Variants in SPATA16 observed in about 807,000 individuals in gnomAD.
SPATA16 encodes spermatogenesis associated 16.
In SPATA16, 36 loss-of-function variants were observed where a neutral mutation model predicts 63.3. That is an observed-to-expected ratio of 0.57 (90% CI 0.44 to 0.75). The LOEUF is 0.75. Ranked by LOEUF, SPATA16 falls within the 30% of genes least tolerant of loss-of-function variation. SPATA16 has a pLI of 0.00. For missense variants in SPATA16, 646 were observed against 679.3 expected (o/e 0.95, Z 0.54); for synonymous variants, 203 against 216.7 (o/e 0.94, Z 0.56).
At chr3:173,107,146 AG>A (rs1737639099) in intron 2 of SPATA16, among the ~76,000 whole-genome samples, 1 of 152,100 alleles carries the variant, frequency 6.6e-6, no homozygotes, top group South Asian at 2.1e-4. Context: ...TGAAAACCAA[AG>A]CCCTGTCATA....
In SPATA16 at chr3:173,117,260, C is replaced by T. The variant is rs1229632649; in HGVS notation, c.472G>A (p.Val158Ile). The change falls in exon 2 of 11, where the codon GTA (valine) becomes ATA (isoleucine). Residue 158 changes from valine (V) to isoleucine (I), a missense_variant. Transcript: ENST00000351008. Reference sequence around the variant, plus strand: ...AAATTATGTACACTCAAAGGGTCTACTATTTCAGCAGCTTGGCATGTTGGC... The same window carrying T: ...AAATTATGTACACTCAAAGGGTCTATTATTTCAGCAGCTTGGCATGTTGGC... ...SQPTCQAAEI[V>I]DPLSVHNFSF... 6.2e-7 allele frequency: 1 copy of T among 1,614,162 alleles called. No homozygotes were observed. The highest frequency in any genetic ancestry group is 8.5e-7 in the Non-Finnish European group (1 of 1,180,006).
chr3:173,004,556 A>G (rs1490609318), intron 4 of SPATA16, among the ~76,000 whole-genome samples: 1 of 152,116 alleles, frequency 6.6e-6, no homozygotes, highest in Non-Finnish European at 1.5e-5. Flanking sequence ...TTCCAAAAAC[A>G]TAGACTTGGA....
intron 2 of SPATA16, among the ~76,000 whole-genome samples, chr3:173,112,984 T>C (rs1446441842): frequency 6.6e-6 from 1 of 152,222 alleles, no homozygotes; most frequent in African/African-American, 2.4e-5. Flanking sequence ...GAAAAACCTT[T>C]GATAATTTCT....
At chr3:172,899,597 T>C (rs1732081579) in intron 10 of SPATA16, among the ~76,000 whole-genome samples, 1 of 152,110 alleles carries the variant, frequency 6.6e-6, no homozygotes, top group South Asian at 2.1e-4. Flanking sequence ...CTCTGTCTTT[T>C]AATTAGTGTA....
intron 1 of SPATA16, among the ~76,000 whole-genome samples, chr3:173,129,075 A>G (rs1470644308): frequency 2.0e-5 from 3 of 152,258 alleles, no homozygotes; most frequent in African/African-American, 7.2e-5. Context: ...ATTGGTAGAC[A>G]TTCACTCATC....
rs1553786402 is a variant in SPATA16 at position 172,961,069 on chromosome 3, T to TCTTCCTTCCCTCCTTC, written c.934-4246_934-4245insGAAGGAGGGAAGGAAG. On this transcript the variant is annotated intron_variant, in intron 5 of 10. Transcript: ENST00000351008. ...CTTTCTTCTTTCTTTCTTTCTTCTT[T>TCTTCCTTCCCTCCTTC]CTTCCTTCCTTCCTTCCTTCCTTCC... Among the ~76,000 whole-genome samples the TCTTCCTTCCCTCCTTC allele has an allele frequency of 1.0e-3, 75 of 72,380 alleles. 4 individuals are homozygous for TCTTCCTTCCCTCCTTC. Among genetic ancestry groups the TCTTCCTTCCCTCCTTC allele is most frequent in the African/African-American group, 4.5e-3 (72 of 15,978 alleles). The allele number at this position is 72,380 out of a possible 152,430, so 47.5% of individuals were successfully genotyped here.
intron 6 of SPATA16, among the ~76,000 whole-genome samples, chr3:172,936,404 TC>T (rs896714057): frequency 1.3e-5 from 2 of 152,220 alleles, no homozygotes; most frequent in African/African-American, 2.4e-5. Context: ...GGTGATATTC[TC>T]AGAAAAGATA....
chr3:173,044,247 C>A (rs1287393925), intron 3 of SPATA16, among the ~76,000 whole-genome samples: 1 of 152,094 alleles, frequency 6.6e-6, no homozygotes, highest in African/African-American at 2.4e-5. Flanking sequence ...TCCCTGAGGA[C>A]AGGTCACTGA....
chr3:172,923,845 T>C (rs1265698765), intron 8 of SPATA16, among the ~76,000 whole-genome samples: 1 of 152,220 alleles, frequency 6.6e-6, no homozygotes, highest in South Asian at 2.1e-4. Flanking sequence ...GAGATGGTTA[T>C]ATGCAATAGC....
In SPATA16 at chr3:172,900,609, T is replaced by C. The variant is rs576124243; in HGVS notation, c.1588-10917A>G. 2.6e-5 allele frequency among the ~76,000 whole-genome samples: 4 copies of C among 152,170 alleles called. No homozygotes were observed. The South Asian group carries it at 8.3e-4, about 32-fold the overall frequency. ...TTTTTTTTACAGTTTATTTTTTCTT[T>C]GTTGTTAAGAAGAGGTAATGTTTTT... On this transcript the variant is annotated intron_variant, in intron 10 of 10. Transcript: ENST00000351008.
chr3:173,117,342 A>G lies in SPATA16; in HGVS notation c.390T>C (p.Ile130=). The change falls in exon 2 of 11, where the codon ATT becomes ATC. Residue 130 remains isoleucine (I), a synonymous_variant. Coordinates refer to ENST00000351008, the MANE Select transcript of SPATA16 (RefSeq NM_031955.6). Reference sequence around the variant, plus strand: ...ACTCATAGCGAACACCCATTTCATCAATGTAGACCAACTTCATTTCCACAT... The same window carrying G: ...ACTCATAGCGAACACCCATTTCATCGATGTAGACCAACTTCATTTCCACAT... The part of the protein sequence containing the change: ...IMDVEMKLVY[I]DEMGVRYEFV... 6.2e-7 allele frequency: 1 copy of G among 1,614,154 alleles called. No individual in the cohort carries two copies. The highest frequency in any genetic ancestry group is 1.1e-5 in the South Asian group (1 of 91,082).
intron 2 of SPATA16, among the ~76,000 whole-genome samples, chr3:173,079,641 C>A (rs950414395): frequency 1.3e-5 from 2 of 152,048 alleles, no homozygotes; most frequent in Admixed American, 1.3e-4. Flanking sequence ...TCAGAATGAA[C>A]TGAAGTGGTA....
At chr3:172,958,560 TG>T (rs1733659284) in intron 5 of SPATA16, among the ~76,000 whole-genome samples, 1 of 152,182 alleles carries the variant, frequency 6.6e-6, no homozygotes, top group Non-Finnish European at 1.5e-5. Flanking sequence ...TTACTGCCTT[TG>T]TAAGCTATTG....
At chr3:173,102,632 C>T (rs955640435) in intron 2 of SPATA16, among the ~76,000 whole-genome samples, 2 of 152,150 alleles carry the variant, frequency 1.3e-5, no homozygotes, top group African/African-American at 4.8e-5. Flanking sequence ...ACTTCCAGTA[C>T]CCAAACACCT....
intron 1 of SPATA16, among the ~76,000 whole-genome samples, chr3:173,124,725 A>G (rs112568741): frequency 0.016 from 2,417 of 152,238 alleles, 28 homozygotes; most frequent in Non-Finnish European, 0.024. Context: ...TCTCTGTTTA[A>G]TGGAACACTT....
chr3:173,007,433 A>G (rs1318381233), intron 4 of SPATA16, among the ~76,000 whole-genome samples: 1 of 152,204 alleles, frequency 6.6e-6, no homozygotes, highest in Non-Finnish European at 1.5e-5. Context: ...AGAGAGGTGA[A>G]GCTGAGAATG....
At chr3:173,120,910 T>C (rs1026709713) in intron 1 of SPATA16, among the ~76,000 whole-genome samples, 3 of 149,296 alleles carry the variant, frequency 2.0e-5, no homozygotes, top group African/African-American at 7.6e-5. Flanking sequence ...ATCATTTTGG[T>C]CTTCAGTGCA....
chr3:173,117,080 A>G, intron 2 of SPATA16, 40 bp downstream of exon 2: 1 of 1,596,202 alleles, frequency 6.3e-7, no homozygotes, highest in Non-Finnish European at 8.6e-7. Flanking sequence ...TCCATTTCAT[A>G]GTTTCCTGTC....
At chr3:173,068,995 A>G (rs961241346) in intron 2 of SPATA16, among the ~76,000 whole-genome samples, 112 of 151,522 alleles carry the variant, frequency 7.4e-4, no homozygotes, top group Admixed American at 6.0e-3. Context: ...CTGTAGTCCC[A>G]GCTACTCGGG....
Sources: gnomAD v4.1 joint callset for allele counts (sites outside exome capture counted in the v4.1 genomes callset) on GRCh38, gnomAD v4.1.1 for gene constraint, MANE v1.5 for transcripts, NCBI Gene and HGNC (gene_info 2026-07-23, HGNC 2026-07-21) for gene names.